The following ZNF780B variants were observed in gnomAD, a reference collection of about 807,000 sequenced individuals.
ZNF780B encodes zinc finger protein 779.
A neutral mutation model predicts 74.1 loss-of-function variants in ZNF780B; 52 were observed. The observed-to-expected ratio is 0.70, with a 90% CI of 0.56 to 0.88. ZNF780B has a LOEUF of 0.88. Ranked by LOEUF, ZNF780B falls within the 40% of genes least tolerant of loss-of-function variation. ZNF780B has a pLI of 0.00. For missense variants in ZNF780B, 953 were observed against 1,007.6 expected (o/e 0.95, Z 0.73); for synonymous variants, 315 against 324.3 (o/e 0.97, Z 0.31).
In ZNF780B at chr19:40,034,857, G is replaced by T. The variant is rs762197979; in HGVS notation, c.2002C>A (p.Pro668Thr). ...TTCCCACACTCCTTACATTCATATG[G>T]TTTTACACCAGCATGAATACTCTGA... ...QHQSIHAGVKPYECKECGKGF... is the reference protein window; with the variant it reads ...QHQSIHAGVKTYECKECGKGF... Residue 668 changes from proline to threonine, a missense_variant, in exon 5 of 5, where the codon CCA becomes ACA. Transcript: ENST00000434248. 3 of 1,613,980 alleles carry T rather than the reference G, an allele frequency of 1.9e-6. No homozygotes were observed. In the Admixed American group the frequency reaches 5.0e-5, roughly 27 times the overall value.
chr19:40,049,114 G>A (rs921930525), intron 2 of ZNF780B: 47 of 278,668 alleles, frequency 1.7e-4, no homozygotes, highest in African/African-American at 1.1e-3. Flanking sequence ...TGTGCCTATA[G>A]TCCCAGCTAC....
chr19:40,045,942 C>T (rs989077444), intron 4 of ZNF780B, among the ~76,000 whole-genome samples: 5 of 152,014 alleles, frequency 3.3e-5, no homozygotes, highest in Admixed American at 2.0e-4. Context: ...GGGCCAAGAT[C>T]GCACCACTGC....
Position 40,034,756 on chromosome 19 carries a change from C to A in ZNF780B, c.2103G>T (p.Glu701Asp). 1 of 1,613,888 alleles carries A rather than the reference C, an allele frequency of 6.2e-7. No individual in the cohort carries two copies. Among genetic ancestry groups the A allele is most frequent in the Non-Finnish European group, 8.5e-7 (1 of 1,179,932 alleles). Residue 701 changes from glutamate (E) to aspartate (D), a missense_variant, in exon 5 of 5, where the codon GAG becomes GAT. Physicochemically the swap from Glu to Asp is conservative, Grantham distance 45. Transcript: ENST00000434248. Reference protein sequence around the residue: ...HSSAKPFVCKECRKTFRYHYQ... With the variant: ...HSSAKPFVCKDCRKTFRYHYQ... ...AATGATATCTAAAGGTCTTCCTACACTCCTTACATACAAAGGGTTTCGCAC... is the reference window on the plus strand; with the variant it reads ...AATGATATCTAAAGGTCTTCCTACAATCCTTACATACAAAGGGTTTCGCAC...
At chr19:40,039,466 G>C (rs1282061438) in intron 4 of ZNF780B, among the ~76,000 whole-genome samples, 2 of 151,998 alleles carry the variant, frequency 1.3e-5, no homozygotes, top group Non-Finnish European at 2.9e-5. Flanking sequence ...TTGGTAGCTT[G>C]ATGGGGATGG....
Position 40,036,621 on chromosome 19 carries a change from C to G in ZNF780B, c.238G>C (p.Glu80Gln). The G allele has an allele frequency of 1.3e-6, 2 of 1,519,368 alleles. No homozygotes were observed. Among genetic ancestry groups the G allele is most frequent in the Non-Finnish European group, 1.8e-6 (2 of 1,136,258 alleles). The allele number at this position is 1,519,368 out of a possible 1,614,324, so 94.1% of individuals were successfully genotyped here. A position where few individuals can be genotyped will look rare whatever the true frequency, so the allele number is the denominator to read the frequency against. Residue 80 changes from glutamate (E) to glutamine (Q), a missense_variant, in exon 5 of 5, where the codon GAG (glutamate) becomes CAG (glutamine). Glu to Gln is a conservative substitution (Grantham distance 29). Coordinates refer to ENST00000434248, the MANE Select transcript of ZNF780B (RefSeq NM_001005851.3). ...ATTTTCTCAGGTCCATATTTTGACT[C>G]CAAATCTGAAAGAAATGAAGAAGGC... ...KETSRWYPDL[E>Q]SKYGPEKISP... is the part of the protein sequence containing the mutation.
chr19:40,055,477 T>C (rs1245140049), intron 1 of ZNF780B: 1 of 152,128 alleles, frequency 6.6e-6, no homozygotes, highest in Non-Finnish European at 1.5e-5. Context: ...TTTTGGATAA[T>C]AATACGACTG....
At position 40,033,227 on chromosome 19, in the gene ZNF780B, T is replaced by G. The variant is rs777848466; in HGVS notation, c.*1130A>C. On this transcript the variant is annotated 3_prime_UTR_variant, in exon 5 of 5. Coordinates refer to ENST00000434248, the MANE Select transcript of ZNF780B (RefSeq NM_001005851.3). ...AAATATTATGAAAACTAGCAAAGTG[T>G]GACACAAAGACATGAAATGTGCATA... 3 of 154,824 alleles carry G rather than the reference T, an allele frequency of 1.9e-5. No individual in the cohort carries two copies. The highest frequency in any genetic ancestry group is 7.2e-5 in the African/African-American group (3 of 41,528). The allele number at this position is 154,824 out of a possible 1,614,324, so 9.6% of individuals were successfully genotyped here.
At chr19:40,040,738 T>C (rs2144756336) in intron 4 of ZNF780B, among the ~76,000 whole-genome samples, 1 of 152,354 alleles carries the variant, frequency 6.6e-6, no homozygotes, top group African/African-American at 2.4e-5. Flanking sequence ...TTTGTATTTC[T>C]GTGGGATTGG....
At position 40,048,689 on chromosome 19, in the gene ZNF780B, G is replaced by A. The variant is rs769071871; in HGVS notation, c.117C>T (p.Tyr39=). ...TLYRDVMLEN[Y]SHLISLGSSI... ...CCTTACCCAGTGATATCAGGTGGCT[G>A]TAGTTCTCCAACATCACATCCCTGT... Residue 39 remains tyrosine (Y), a synonymous_variant, in exon 3 of 5, where the codon TAC becomes TAT. Transcript: ENST00000434248. 2 of 1,614,198 alleles carry A rather than the reference G, an allele frequency of 1.2e-6. No homozygotes were observed. The highest frequency in any genetic ancestry group is 2.2e-5 in the South Asian group (2 of 91,082).
At position 40,036,283 on chromosome 19, in the gene ZNF780B, G is replaced by C; in HGVS notation, c.576C>G (p.Pro192=). 6.2e-7 allele frequency: 1 copy of C among 1,613,094 alleles called. No homozygotes were observed. Among genetic ancestry groups the C allele is most frequent in the Non-Finnish European group, 8.5e-7 (1 of 1,179,762 alleles). The change falls in exon 5 of 5, where the codon CCC becomes CCG. Residue 192 remains proline, a synonymous_variant. Transcript: ENST00000434248. Reference sequence around the variant, plus strand: ...CTTTCCCACATTCTTTGCATTTATAGGGTTTCTCTCCAGTATGAATACTCT... The same window carrying C: ...CTTTCCCACATTCTTTGCATTTATACGGTTTCTCTCCAGTATGAATACTCT... ...QHQSIHTGEK[P]YKCKECGKAF...
intron 1 of ZNF780B, among the ~76,000 whole-genome samples, chr19:40,053,758 G>A (rs1490428513): frequency 1.3e-5 from 2 of 152,162 alleles, no homozygotes; most frequent in East Asian, 1.9e-4. Context: ...GCTGTCATTC[G>A]CAACAACATG....
At position 40,031,981 on chromosome 19, in the gene ZNF780B, T is replaced by C. The variant is rs1021431234; in HGVS notation, c.*2376A>G. ...TGTTTTCTGACAGTACAATATGACA[T>C]AGAAATAACCTACAAAGTATTCTTC... On this transcript the variant is annotated 3_prime_UTR_variant, in exon 5 of 5. Transcript: ENST00000434248. The C allele has an allele frequency of 3.4e-5, 15 of 440,318 alleles. No individual in the cohort carries two copies. Among genetic ancestry groups the C allele is most frequent in the Non-Finnish European group, 6.3e-5 (14 of 222,242 alleles). 27.3% of individuals were successfully genotyped at this position (440,318 alleles called of 1,614,324 possible). A position where few individuals can be genotyped will look rare whatever the true frequency, so the allele number is the denominator to read the frequency against.
chr19:40,048,419 C>A (rs373461593), intron 3 of ZNF780B, among the ~76,000 whole-genome samples: 2 of 152,170 alleles, frequency 1.3e-5, no homozygotes, highest in Admixed American at 1.3e-4. Context: ...TCAAATTCAG[C>A]CCCATGGTCA....
In ZNF780B at chr19:40,029,742, G is replaced by T. The variant is rs539790770; in HGVS notation, c.*4615C>A. 2 of 152,066 alleles carry T rather than the reference G, an allele frequency of 1.3e-5. No homozygotes were observed. The highest frequency in any genetic ancestry group is 2.9e-5 in the Non-Finnish European group (2 of 68,030). The allele number at this position is 152,066 out of a possible 1,614,324, so 9.4% of individuals were successfully genotyped here. Reference sequence around the variant, plus strand: ...GTATTAAATCATGAGTTGATTCCATGACTCAGGACAAGAGGCATGGGGGAC... The same window carrying T: ...GTATTAAATCATGAGTTGATTCCATTACTCAGGACAAGAGGCATGGGGGAC... On this transcript the variant is annotated 3_prime_UTR_variant, in exon 5 of 5. Transcript: ENST00000434248.
chr19:40,036,252 G>C lies in ZNF780B; in HGVS notation c.607C>G (p.Gln203Glu), dbSNP rs759277704. 1.9e-6 allele frequency: 3 copies of C among 1,611,804 alleles called. No individual in the cohort carries two copies. The highest frequency in any genetic ancestry group is 2.5e-6 in the Non-Finnish European group (3 of 1,179,254). Reference protein sequence around the residue: ...YKCKECGKAFQLHIQLTRHQK... With the variant: ...YKCKECGKAFELHIQLTRHQK... ...TGTCGAGTAAGTTGTATGTGAAGTT[G>C]AAAGGCTTTCCCACATTCTTTGCAT... Residue 203 changes from glutamine (Q) to glutamate (E), a missense_variant, in exon 5 of 5, where the codon CAA becomes GAA. Transcript: ENST00000434248.
chr19:40,049,205 G>C (rs1445651237), intron 2 of ZNF780B: 1 of 136,440 alleles, frequency 7.3e-6, no homozygotes, highest in African/African-American at 3.1e-5. Context: ...CTGCACTCCA[G>C]CCTGGGCTAC....
At chr19:40,047,742 T>C (rs1038691309) in intron 3 of ZNF780B, among the ~76,000 whole-genome samples, 4 of 152,168 alleles carry the variant, frequency 2.6e-5, no homozygotes, top group Non-Finnish European at 1.5e-5. Flanking sequence ...GTTGAAATCC[T>C]GTCTCTGCCA....
At chr19:40,038,341 A>T (rs1305113440) in intron 4 of ZNF780B, among the ~76,000 whole-genome samples, 3 of 151,358 alleles carry the variant, frequency 2.0e-5, no homozygotes, top group Non-Finnish European at 2.9e-5. Flanking sequence ...TGGTTCCAAG[A>T]CTTTGCTATT....
chr19:40,049,021 G>A, intron 2 of ZNF780B: 1 of 547,618 alleles, frequency 1.8e-6, no homozygotes, highest in Non-Finnish European at 3.1e-6. Context: ...CCCAGGAGTT[G>A]GCAAACAGCC....
Sources: gnomAD v4.1 joint callset for allele counts (sites outside exome capture counted in the v4.1 genomes callset) on GRCh38, gnomAD v4.1.1 for gene constraint, MANE v1.5 for transcripts, NCBI Gene and HGNC (gene_info 2026-07-23, HGNC 2026-07-21) for gene names.